Variants in BRD10 observed in about 807,000 individuals in gnomAD.
BRD10 encodes bromodomain containing 10.
chr9:5,921,955 A>C, the BRD10 span: 108 of 1,613,960 alleles, frequency 6.7e-5, 1 homozygote, highest in South Asian at 1.2e-3. Context: ...TTTGGCTAAA[A>C]GGTGAAAGAC....
At chr9:5,924,597 G>T in the BRD10 span, 3 of 1,041,340 alleles carry the variant, frequency 2.9e-6, no homozygotes, top group East Asian at 7.8e-5. Flanking sequence ...TGCCTTCACA[G>T]CAAACAAAAA....
the BRD10 span, among the ~76,000 whole-genome samples, chr9:5,879,345 G>C: frequency 6.6e-6 from 1 of 151,744 alleles, no homozygotes; most frequent in Non-Finnish European, 1.5e-5. Flanking sequence ...CTCCAGCCTG[G>C]GAAGGGCAAC....
At chr9:5,947,694 C>T in the BRD10 span, among the ~76,000 whole-genome samples, 2 of 151,878 alleles carry the variant, frequency 1.3e-5, no homozygotes, top group African/African-American at 2.4e-5. Flanking sequence ...TTGACTTATG[C>T]CAACTCGATG....
chr9:5,950,425 G>A, the BRD10 span, among the ~76,000 whole-genome samples: 573 of 152,212 alleles, frequency 3.8e-3, 1 homozygote, highest in Middle Eastern at 0.014. Context: ...TGAGAAACTG[G>A]AATCATGGAG....
chr9:5,941,385 C>T, the BRD10 span, among the ~76,000 whole-genome samples: 1 of 152,156 alleles, frequency 6.6e-6, no homozygotes, highest in African/African-American at 2.4e-5. Flanking sequence ...TGAAAGAATG[C>T]TATCATGTAA....
the BRD10 span, among the ~76,000 whole-genome samples, chr9:5,886,019 A>T: frequency 6.6e-6 from 1 of 152,200 alleles, no homozygotes; most frequent in Non-Finnish European, 1.5e-5. Flanking sequence ...AGCCTTCCCA[A>T]AAGGGAACAC....
At chr9:5,888,751 C>T in the BRD10 span, among the ~76,000 whole-genome samples, 4 of 152,088 alleles carry the variant, frequency 2.6e-5, no homozygotes, top group African/African-American at 4.8e-5. Context: ...AACTCAACGT[C>T]GATCATTCTA....
At chr9:5,963,571 G>A in the BRD10 span, among the ~76,000 whole-genome samples, 1 of 151,142 alleles carries the variant, frequency 6.6e-6, no homozygotes, top group Non-Finnish European at 1.5e-5. Context: ...AGTTCATATG[G>A]AACCAAAAAA....
the BRD10 span, among the ~76,000 whole-genome samples, chr9:5,943,481 A>C: frequency 6.6e-6 from 1 of 151,898 alleles, no homozygotes; most frequent in Non-Finnish European, 1.5e-5. Flanking sequence ...TAACACTCTG[A>C]TATTTTAAAA....
the BRD10 span, among the ~76,000 whole-genome samples, chr9:5,916,528 T>G: frequency 6.8e-6 from 1 of 146,530 alleles, no homozygotes; most frequent in Non-Finnish European, 1.5e-5. Flanking sequence ...TATGTGTGTA[T>G]ATATATGTAT....
the BRD10 span, among the ~76,000 whole-genome samples, chr9:6,000,137 C>T: frequency 7.9e-5 from 12 of 152,064 alleles, no homozygotes; most frequent in Admixed American, 7.2e-4. Context: ...ATAACAACTA[C>T]TAACATTTTC....
the BRD10 span, among the ~76,000 whole-genome samples, chr9:6,006,093 T>C: frequency 7.2e-5 from 11 of 152,226 alleles, no homozygotes; most frequent in South Asian, 8.3e-4. Flanking sequence ...AGCACAAGTA[T>C]AATGCCGTTT....
the BRD10 span, among the ~76,000 whole-genome samples, chr9:6,004,936 TA>T: frequency 2.0e-5 from 3 of 152,150 alleles, no homozygotes; most frequent in Admixed American, 2.0e-4. Flanking sequence ...ATACATCAAA[TA>T]CAAAAAAGCG....
the BRD10 span, among the ~76,000 whole-genome samples, chr9:5,916,326 A>G: frequency 6.6e-6 from 1 of 152,110 alleles, no homozygotes; most frequent in African/African-American, 2.4e-5. Flanking sequence ...ATTTAGGTTG[A>G]TCTACTGGAT....
chr9:5,951,521 C>G, the BRD10 span, among the ~76,000 whole-genome samples: 1 of 152,050 alleles, frequency 6.6e-6, no homozygotes, highest in African/African-American at 2.4e-5. Context: ...GATCTTCTGA[C>G]TAAATATTTC....
chr9:5,997,934 G>A, the BRD10 span, among the ~76,000 whole-genome samples: 2 of 152,140 alleles, frequency 1.3e-5, no homozygotes, highest in Non-Finnish European at 2.9e-5. Context: ...GTTACATACT[G>A]TACGTTTTGT....
the BRD10 span, among the ~76,000 whole-genome samples, chr9:5,934,159 C>T: frequency 4.0e-5 from 6 of 150,946 alleles, no homozygotes; most frequent in African/African-American, 1.2e-4. Context: ...GTGGAGATAA[C>T]ATTTTTATTT....
the BRD10 span, among the ~76,000 whole-genome samples, chr9:5,947,900 G>C: frequency 6.6e-6 from 1 of 152,062 alleles, no homozygotes; most frequent in Non-Finnish European, 1.5e-5. Context: ...TCATTATCTT[G>C]CATTTGAAAA....
the BRD10 span, chr9:5,944,900 T>G: frequency 6.5e-7 from 1 of 1,544,908 alleles, no homozygotes; most frequent in Non-Finnish European, 8.8e-7. Context: ...TCCAGATCTT[T>G]GAGTTCATTC....
Sources: gnomAD v4.1 joint callset for allele counts (sites outside exome capture counted in the v4.1 genomes callset) on GRCh38, gnomAD v4.1.1 for gene constraint, MANE v1.5 for transcripts, NCBI Gene and HGNC (gene_info 2026-07-23, HGNC 2026-07-21) for gene names.